CSRNP3: variants seen among roughly 807,000 people sequenced by gnomAD.
The protein encoded by CSRNP3 is cysteine/serine-rich nuclear protein 3.
CSRNP3 carries 12 observed loss-of-function variants against 48.0 expected under a neutral mutation model. That is an observed-to-expected ratio of 0.25 (90% CI 0.16 to 0.41). The LOEUF is 0.41. Among genes scored for constraint, CSRNP3 ranks in the 10% least tolerant of loss-of-function variants. The probability of loss-of-function intolerance (pLI) is 1.00; values close to 1 mark genes in which losing one functional copy is unlikely to be tolerated. For missense variants in CSRNP3, 580 were observed against 724.4 expected (o/e 0.80, Z 2.29); for synonymous variants, 263 against 269.7 (o/e 0.98, Z 0.24).
chr2:165,580,311 T>G (rs911259557), intron 3 of CSRNP3, among the ~76,000 whole-genome samples: 1 of 152,186 alleles, frequency 6.6e-6, no homozygotes, highest in East Asian at 1.9e-4. Flanking sequence ...GAACATTTAC[T>G]GAGACTTGAA....
chr2:165,568,124 C>G (rs1168019725), intron 3 of CSRNP3, among the ~76,000 whole-genome samples: 4 of 152,006 alleles, frequency 2.6e-5, no homozygotes, highest in African/African-American at 9.7e-5. Context: ...TCCTTCCTCT[C>G]TCACCGCCTT....
chr2:165,593,603 A>G (rs796531695), intron 3 of CSRNP3, among the ~76,000 whole-genome samples: 138 of 152,292 alleles, frequency 9.1e-4, no homozygotes, highest in African/African-American at 3.1e-3. Flanking sequence ...TGTGATCTGC[A>G]CAGAAAAGAA....
At chr2:165,676,979 A>G (rs1687436417) in intron 6 of CSRNP3, among the ~76,000 whole-genome samples, 1 of 152,210 alleles carries the variant, frequency 6.6e-6, no homozygotes, top group African/African-American at 2.4e-5. Context: ...TGATCCATCC[A>G]TGGGATATAA....
rs374993309 is a variant in CSRNP3, at chr2:165,525,642, C to T, written c.-24+7681C>T. 6.6e-5 allele frequency among the ~76,000 whole-genome samples: 10 copies of T among 151,532 alleles called. 1 individual carries two copies. The East Asian group carries it at 1.4e-3, about 21-fold the overall frequency. On this transcript the variant is annotated intron_variant, in intron 3 of 6. Transcript: ENST00000651982. The stretch of plus-strand genomic sequence containing the variant: ...CTGGGACTACAGGCGTGTGACACCA[C>T]GCTCGGCTAATTTTTGTATTTTTAG...
chr2:165,596,352 T>C (rs1685811576), intron 4 of CSRNP3, among the ~76,000 whole-genome samples: 1 of 152,176 alleles, frequency 6.6e-6, no homozygotes, highest in Non-Finnish European at 1.5e-5. Context: ...TAACTGGTCT[T>C]GGTTTTTTAC....
chr2:165,578,188 T>C (rs937972138), intron 3 of CSRNP3, among the ~76,000 whole-genome samples: 12 of 152,184 alleles, frequency 7.9e-5, no homozygotes, highest in Admixed American at 3.3e-4. Context: ...TGGGGACTTG[T>C]GGTCCATCTC....
chr2:165,527,199 CTTTTTTT>C (rs535826285), intron 3 of CSRNP3, among the ~76,000 whole-genome samples: 1 of 87,274 alleles, frequency 1.1e-5, no homozygotes, highest in African/African-American at 4.6e-5. Flanking sequence ...GCTGTTTGTA[CTTTTTTT>C]TTTTTTTTTT....
At chr2:165,579,921 CTTTTT>C (rs147087270) in intron 3 of CSRNP3, among the ~76,000 whole-genome samples, 2 of 70,548 alleles carry the variant, frequency 2.8e-5, no homozygotes, top group African/African-American at 5.8e-5. Flanking sequence ...CATGACTCTA[CTTTTT>C]TTTTTTTTTT....
intron 4 of CSRNP3, among the ~76,000 whole-genome samples, chr2:165,639,294 G>A (rs942362182): frequency 3.3e-5 from 5 of 152,160 alleles, no homozygotes; most frequent in Non-Finnish European, 7.3e-5. Context: ...AGCTGAAATA[G>A]GAAGGCAAAA....
rs375128231 is a variant in CSRNP3 at position 165,516,984 on chromosome 2, A to G, written c.-112-889A>G. ...CAGGTAACATATTTGTAGAATTTCT[A>G]CACTAGCTATTGTCATTGGCTATGA... On this transcript the variant is annotated intron_variant, in intron 2 of 6. Coordinates refer to ENST00000651982, the MANE Select transcript of CSRNP3 (RefSeq NM_001172173.2). Among the ~76,000 whole-genome samples, 6 of 152,200 alleles carry G rather than the reference A, an allele frequency of 3.9e-5. No individual in the cohort carries two copies. The East Asian group carries it at 9.6e-4, about 24-fold the overall frequency.
At position 165,679,483 on chromosome 2, in the gene CSRNP3, C is replaced by T; in HGVS notation, c.1488C>T (p.Ala496=). The T allele has an allele frequency of 6.2e-7, 1 of 1,613,516 alleles. No homozygotes were observed. The highest frequency in any genetic ancestry group is 1.1e-5 in the South Asian group (1 of 91,054). The change falls in exon 7 of 7, where the codon GCC becomes GCT. Residue 496 remains alanine (A), a synonymous_variant. Coordinates refer to ENST00000651982, the MANE Select transcript of CSRNP3 (RefSeq NM_001172173.2). The part of the protein sequence containing the change: ...EAYGASHYPA[A]NPSVIVCCSS... ...ATGGTGCCTCCCACTACCCAGCTGC[C>T]AACCCCTCTGTAATCGTTTGCTGCT...
At chr2:165,537,176 G>A (rs182338436) in intron 3 of CSRNP3, among the ~76,000 whole-genome samples, 57 of 151,464 alleles carry the variant, frequency 3.8e-4, no homozygotes, top group Admixed American at 3.6e-3. Flanking sequence ...AGGGATGGTG[G>A]CTAACAAACC....
chr2:165,608,410 G>A (rs754106407), intron 4 of CSRNP3, among the ~76,000 whole-genome samples: 6 of 151,948 alleles, frequency 3.9e-5, no homozygotes, highest in Non-Finnish European at 8.8e-5. Flanking sequence ...ACTTTGGAAC[G>A]GTTCATGAAC....
chr2:165,605,106 C>G (rs1685987758), intron 4 of CSRNP3, among the ~76,000 whole-genome samples: 1 of 152,182 alleles, frequency 6.6e-6, no homozygotes, highest in African/African-American at 2.4e-5. Flanking sequence ...TTGTTCAAGC[C>G]TCAGCCTCTT....
At chr2:165,643,054 C>G (rs530185165) in intron 4 of CSRNP3, among the ~76,000 whole-genome samples, 1 of 152,118 alleles carries the variant, frequency 6.6e-6, no homozygotes, top group Non-Finnish European at 1.5e-5. Context: ...TCTTTAATAA[C>G]ATAAAACTGC....
intron 4 of CSRNP3, among the ~76,000 whole-genome samples, chr2:165,625,395 G>A (rs1686412625): frequency 6.6e-6 from 1 of 151,832 alleles, no homozygotes; most frequent in Non-Finnish European, 1.5e-5. Flanking sequence ...GGGAGGCCAA[G>A]GTGGGTGGAT....
chr2:165,545,254 T>G (rs1222402965), intron 3 of CSRNP3, among the ~76,000 whole-genome samples: 1 of 151,802 alleles, frequency 6.6e-6, no homozygotes, highest in African/African-American at 2.4e-5. Context: ...ATGCCAGGAG[T>G]TTTGCTGCAA....
chr2:165,484,439 G>A (rs1684086415), intron 1 of CSRNP3, among the ~76,000 whole-genome samples: 1 of 152,134 alleles, frequency 6.6e-6, no homozygotes, highest in African/African-American at 2.4e-5. Context: ...GAGCGGATCT[G>A]GGAGTAGAAT....
chr2:165,566,925 T>C (rs1685305136), intron 3 of CSRNP3: 1 of 152,090 alleles, frequency 6.6e-6, no homozygotes, highest in African/African-American at 2.4e-5. Context: ...ATGAATAATA[T>C]GCCAAAGTTG....
Sources: allele counts gnomAD v4.1 joint callset (sites outside exome capture counted in the v4.1 genomes callset), GRCh38; gene constraint gnomAD v4.1.1; transcripts MANE v1.5; gene names NCBI Gene and HGNC (gene_info 2026-07-23, HGNC 2026-07-21).